The following WDR59 variants were observed in gnomAD, a reference collection of about 807,000 sequenced individuals.
WDR59 encodes GATOR2 complex protein WDR59.
Under a neutral mutation model 131.2 loss-of-function variants are expected in WDR59, and 100 were observed. That is an observed-to-expected ratio of 0.76 (90% CI 0.65 to 0.90). The LOEUF (loss-of-function observed/expected upper bound fraction) is 0.90. Among genes scored for constraint, WDR59 ranks in the 40% least tolerant of loss-of-function variants. The pLI is 0.00. For missense variants in WDR59, 1,203 were observed against 1,262.2 expected, an observed-to-expected ratio of 0.95 and a Z score of 0.71; for synonymous variants, 601 against 466.2, an observed-to-expected ratio of 1.29 and a Z score of -3.72.
Position 74,942,748 on chromosome 16 carries a change from C to T in WDR59, c.524G>A (p.Trp175Ter). ...AAAGAGATTACTCACCCTCTTATCC[C>T]ATATCCGCACATCGCCGTCATGGCT... ...ATSHDGDVRI[W>*]DKRKPSTAVE... Residue 175 changes from tryptophan to a stop codon, truncating the protein, a stop_gained, in exon 7 of 26, where the codon TGG (tryptophan) becomes TAG (stop). Transcript: ENST00000262144. LOFTEE classifies it high-confidence loss of function. 1 of 1,613,974 alleles carries T rather than the reference C, an allele frequency of 6.2e-7. No individual in the cohort carries two copies. The highest frequency in any genetic ancestry group is 1.1e-5 in the South Asian group (1 of 91,066).
In WDR59 at chr16:74,871,483, T is replaced by G. The variant is rs1243555745; in HGVS notation, c.*2726A>C. On this transcript the variant is annotated 3_prime_UTR_variant, in exon 26 of 26. Transcript: ENST00000262144. The stretch of plus-strand genomic sequence containing the variant: ...ATATTAGACTTTTGTTCTGGTAACT[T>G]GGAAATTCAAAAGGAATTTCCGTAT... 1.3e-5 allele frequency: 2 copies of G among 152,246 alleles called. No individual in the cohort carries two copies. The highest frequency in any genetic ancestry group is 2.9e-5 in the Non-Finnish European group (2 of 68,038). 9.4% of individuals were successfully genotyped at this position (152,246 alleles called of 1,614,324 possible). A position where few individuals can be genotyped will look rare whatever the true frequency, so the allele number is the denominator to read the frequency against.
At chr16:74,931,760 G>C (rs1039544421) in intron 8 of WDR59, among the ~76,000 whole-genome samples, 3 of 152,028 alleles carry the variant, frequency 2.0e-5, no homozygotes, top group Admixed American at 1.3e-4. Flanking sequence ...TGTAGTCCCA[G>C]CTACTCTGGA....
In WDR59 at chr16:74,908,931, C is replaced by T; in HGVS notation, c.1689G>A (p.Val563=). 1 of 1,614,126 alleles carries T rather than the reference C, an allele frequency of 6.2e-7. No individual in the cohort carries two copies. Among genetic ancestry groups the T allele is most frequent in the Admixed American group, 1.7e-5 (1 of 60,018 alleles). Reference sequence around the variant, plus strand: ...ACCTCGGAGTAGGCTCTGTGGGAGACACCGCCCGATGCATTGTCATGGGCC... The same window carrying T: ...ACCTCGGAGTAGGCTCTGTGGGAGATACCGCCCGATGCATTGTCATGGGCC... The part of the protein sequence containing the change: ...FTRPMTMHRA[V]SPTEPTPRSL... Residue 563 remains valine (V), a synonymous_variant, in exon 17 of 26, where the codon GTG becomes GTA. Transcript: ENST00000262144.
intron 7 of WDR59, among the ~76,000 whole-genome samples, chr16:74,941,694 G>GAAAAAAA (rs11379528): frequency 1.5e-5 from 2 of 137,532 alleles, no homozygotes; most frequent in South Asian, 4.6e-4. Context: ...TCTGTCTCAA[G>GAAAAAAA]AAAAAAAAAA....
intron 13 of WDR59, chr16:74,915,456 G>C (rs187905386): frequency 1.3e-5 from 2 of 152,894 alleles, no homozygotes; most frequent in African/African-American, 4.8e-5. Flanking sequence ...TTGAGACAGA[G>C]TCTTGCTCTG....
intron 10 of WDR59, among the ~76,000 whole-genome samples, chr16:74,920,428 G>T (rs1287200420): frequency 6.6e-6 from 1 of 152,076 alleles, no homozygotes; most frequent in African/African-American, 2.4e-5. Flanking sequence ...TTTTGAGACT[G>T]TCTCGATCTG....
chr16:74,941,833 G>A (rs1332704167), intron 7 of WDR59, among the ~76,000 whole-genome samples: 2 of 152,148 alleles, frequency 1.3e-5, no homozygotes, highest in Non-Finnish European at 2.9e-5. Context: ...GACAGGATCT[G>A]CCACGCCTGA....
intron 2 of WDR59, among the ~76,000 whole-genome samples, chr16:74,960,689 A>G (rs2033520142): frequency 6.6e-6 from 1 of 151,326 alleles, no homozygotes; most frequent in African/African-American, 2.4e-5. Context: ...AGGTGGTTGC[A>G]GTGAGCCAAG....
At chr16:74,879,259 G>A (rs950418349) in intron 25 of WDR59, among the ~76,000 whole-genome samples, 2 of 152,180 alleles carry the variant, frequency 1.3e-5, no homozygotes, top group Non-Finnish European at 2.9e-5. Flanking sequence ...TTAGGAGACT[G>A]TGGTGGGAGG....
intron 20 of WDR59, 57 bp downstream of exon 20, chr16:74,892,427 A>C: frequency 7.0e-7 from 1 of 1,425,178 alleles, no homozygotes; most frequent in African/African-American, 1.4e-5. Flanking sequence ...TGACAAAGTA[A>C]AAACAATTTG....
intron 8 of WDR59, among the ~76,000 whole-genome samples, chr16:74,925,284 C>T (rs537606265): frequency 6.6e-6 from 1 of 152,146 alleles, no homozygotes; most frequent in East Asian, 1.9e-4. Context: ...GCCTGTAATC[C>T]CAGCACTTTG....
chr16:74,915,716 G>T, intron 13 of WDR59, 154 bp downstream of exon 13: 3 of 1,104,662 alleles, frequency 2.7e-6, no homozygotes, highest in Admixed American at 2.2e-5. Flanking sequence ...GAGCCACCGC[G>T]CCTGGCCAGA....
chr16:74,963,931 G>C (rs1169492615), intron 2 of WDR59, among the ~76,000 whole-genome samples: 1 of 151,444 alleles, frequency 6.6e-6, no homozygotes, highest in African/African-American at 2.4e-5. Context: ...GGGAGAAAGA[G>C]AGAGAGAGAG....
intron 25 of WDR59, among the ~76,000 whole-genome samples, chr16:74,880,048 A>G (rs2144762825): frequency 6.6e-6 from 1 of 152,328 alleles, no homozygotes; most frequent in Middle Eastern, 3.4e-3. Context: ...AAAATTAAAA[A>G]TAAAAGAAGC....
At chr16:74,888,034 C>T (rs955762732) in intron 22 of WDR59, 135 bp downstream of exon 22, 5 of 1,184,330 alleles carry the variant, frequency 4.2e-6, no homozygotes, top group Non-Finnish European at 5.8e-6. Flanking sequence ...ACGAGAATTG[C>T]TTGAACCCAG....
At chr16:74,902,765 C>T (rs1331824659) in intron 18 of WDR59, among the ~76,000 whole-genome samples, 2 of 152,008 alleles carry the variant, frequency 1.3e-5, no homozygotes, top group East Asian at 1.9e-4. Flanking sequence ...TCTCCAGTTA[C>T]CTGCAAACAT....
intron 1 of WDR59, among the ~76,000 whole-genome samples, chr16:74,978,037 C>T (rs1483810029): frequency 6.6e-6 from 1 of 151,838 alleles, no homozygotes; most frequent in Non-Finnish European, 1.5e-5. Context: ...AGCCAGATTC[C>T]ACCCCCACAA....
At chr16:74,979,417 G>C (rs1393271538) in intron 1 of WDR59, among the ~76,000 whole-genome samples, 2 of 151,802 alleles carry the variant, frequency 1.3e-5, no homozygotes, top group Admixed American at 6.6e-5. Context: ...AGTGAGCCAA[G>C]ATCGAGCCAC....
chr16:74,942,736 A>G lies in WDR59; in HGVS notation c.534+2T>C. 6.2e-7 allele frequency: 1 copy of G among 1,613,740 alleles called. No homozygotes were observed. Among genetic ancestry groups the G allele is most frequent in the South Asian group, 1.1e-5 (1 of 91,060 alleles). ...ATAAGGGCGAAAAAAGAGATTACTC[A>G]CCCTCTTATCCCATATCCGCACATC... is the stretch of plus-strand genomic sequence containing the variant. On this transcript the variant is annotated splice_donor_variant, in intron 7 of 25. Transcript: ENST00000262144. LOFTEE classifies it high-confidence loss of function.
Sources: gnomAD v4.1 joint callset for allele counts (sites outside exome capture counted in the v4.1 genomes callset) on GRCh38, gnomAD v4.1.1 for gene constraint, MANE v1.5 for transcripts, NCBI Gene and HGNC (gene_info 2026-07-23, HGNC 2026-07-21) for gene names.